The following APCDD1L variants were observed in gnomAD, a reference collection of about 807,000 sequenced individuals.
The protein encoded by APCDD1L is protein APCDD1-like.
APCDD1L carries 21 observed loss-of-function variants against 24.2 expected under a neutral mutation model. The observed-to-expected ratio is 0.87, with a 90% CI of 0.61 to 1.25. The LOEUF (loss-of-function observed/expected upper bound fraction) is 1.25. APCDD1L is among the 50% of genes most tolerant of loss of function. The probability of loss-of-function intolerance (pLI) is 0.00; values close to 1 mark genes in which losing one functional copy is unlikely to be tolerated. For synonymous variants in APCDD1L, 321 were observed against 323.6 expected (o/e 0.99, Z 0.09); for missense variants, 704 against 711.7 (o/e 0.99, Z 0.12).
chr20:58,500,164 A>AT (rs887795549), intron 1 of APCDD1L, among the ~76,000 whole-genome samples: 19 of 152,176 alleles, frequency 1.2e-4, no homozygotes, highest in South Asian at 2.1e-4. Flanking sequence ...ATTTTTCAGC[A>AT]TTTTTTCTGG....
Position 58,467,214 on chromosome 20 carries a change from C to T in APCDD1L, c.633G>A (p.Ala211=), listed in dbSNP as rs762687389. 2 of 1,602,648 alleles carry T rather than the reference C, an allele frequency of 1.2e-6. No homozygotes were observed. The highest frequency in any genetic ancestry group is 1.1e-5 in the South Asian group (1 of 90,804). ...ACAGCTCCTCCACCAGCCGGGGCGA[C>T]GCCCGGGGCTGCGGCTGCAGGCGGC... ...VQRRLQPQPR[A]SPRLVEELYL... The change falls in exon 3 of 4, where the codon GCG becomes GCA. Residue 211 remains alanine, a synonymous_variant. Transcript: ENST00000371149. The surrounding 1 kb of genome is among the most constrained non-coding windows in gnomAD (Gnocchi z 5.9).
chr20:58,496,389 G>A (rs1202762344), intron 1 of APCDD1L, among the ~76,000 whole-genome samples: 4 of 152,246 alleles, frequency 2.6e-5, no homozygotes, highest in Non-Finnish European at 5.9e-5. Flanking sequence ...ACAGCCTGAC[G>A]CCTGCCCCCA....
chr20:58,496,504 A>T (rs780993564), intron 1 of APCDD1L, among the ~76,000 whole-genome samples: 8 of 152,270 alleles, frequency 5.3e-5, no homozygotes, highest in Non-Finnish European at 1.0e-4. Context: ...GGGCTGCCTG[A>T]GTCTGGGAGA....
At position 58,470,500 on chromosome 20, in the gene APCDD1L, T is replaced by G; in HGVS notation, c.188+109A>C. The G allele has an allele frequency of 2.1e-6, 3 of 1,411,908 alleles. No homozygotes were observed. In the South Asian group the frequency reaches 4.4e-5, roughly 21 times the overall value. The allele number at this position is 1,411,908 out of a possible 1,614,324, so 87.5% of individuals were successfully genotyped here. A position where few individuals can be genotyped will look rare whatever the true frequency, so the allele number is the denominator to read the frequency against. On this transcript the variant is annotated intron_variant, in intron 2 of 3. Transcript: ENST00000371149. Reference sequence around the variant, plus strand: ...CCAGCAGCTTGGCAGGTAGAAGGCCTCTTGGATAACTATGTGAATTATGCC... The same window carrying G: ...CCAGCAGCTTGGCAGGTAGAAGGCCGCTTGGATAACTATGTGAATTATGCC...
intron 1 of APCDD1L, among the ~76,000 whole-genome samples, chr20:58,485,709 C>T (rs1488192549): frequency 6.6e-6 from 1 of 152,206 alleles, no homozygotes; most frequent in Non-Finnish European, 1.5e-5. Flanking sequence ...TTAAAAAATG[C>T]AAATCAGCAT....
intron 1 of APCDD1L, among the ~76,000 whole-genome samples, chr20:58,474,416 C>T (rs925721792): frequency 6.6e-6 from 1 of 152,068 alleles, no homozygotes; most frequent in East Asian, 1.9e-4. Context: ...TAAAAGGTAC[C>T]ATCTTGGCTG....
chr20:58,499,997 T>C (rs1432559493), intron 1 of APCDD1L, among the ~76,000 whole-genome samples: 1 of 152,182 alleles, frequency 6.6e-6, no homozygotes, highest in African/African-American at 2.4e-5. Flanking sequence ...GATTGTTTTT[T>C]TAAAAAAACA....
chr20:58,514,530 G>T (rs1990701338), intron 1 of APCDD1L, 129 bp downstream of exon 1: 2 of 954,052 alleles, frequency 2.1e-6, no homozygotes, highest in African/African-American at 3.4e-5. Context: ...GGCGCGCAGG[G>T]CGCAGCATAG....
chr20:58,472,156 G>A (rs1342515351), intron 1 of APCDD1L, among the ~76,000 whole-genome samples: 1 of 152,204 alleles, frequency 6.6e-6, no homozygotes, highest in African/African-American at 2.4e-5. Flanking sequence ...GTTCCCTTGA[G>A]GTTGGGGGTT....
rs1361281629 is a variant in APCDD1L, at chr20:58,494,194, A to C, written c.49+20465T>G. On this transcript the variant is annotated intron_variant, in intron 1 of 3. Coordinates refer to ENST00000371149, the MANE Select transcript of APCDD1L (RefSeq NM_153360.3). The surrounding 1 kb of genome is among the most constrained non-coding windows in gnomAD (Gnocchi z 4.8). ...TTGCTGTCTCAGGGGCAGCAGAGGC[A>C]GAAGAAAATCTGGGGATAAGTGGAC... Among the ~76,000 whole-genome samples, 3 of 152,220 alleles carry C rather than the reference A, an allele frequency of 2.0e-5. No individual in the cohort carries two copies. Among genetic ancestry groups the C allele is most frequent in the African/African-American group, 7.2e-5 (3 of 41,454 alleles).
rs768766324 is a variant in APCDD1L, at chr20:58,467,144, G to A, written c.703C>T (p.Arg235Trp). ...HTDPAERRHY[R>W]PTGYQRPLQS... ...AGCGGGCGCTGGTAGCCCGTGGGCC[G>A]GTAGTGCCGCCTCTCCGCCGGGTCG... The change falls in exon 3 of 4, where the codon CGG becomes TGG. Residue 235 changes from arginine to tryptophan, a missense_variant. Transcript: ENST00000371149. The surrounding 1 kb of genome is among the most constrained non-coding windows in gnomAD (Gnocchi z 5.9). 1 of 1,608,228 alleles carries A rather than the reference G, an allele frequency of 6.2e-7. No homozygotes were observed. The highest frequency in any genetic ancestry group is 8.5e-7 in the Non-Finnish European group (1 of 1,179,526).
At chr20:58,478,084 G>T (rs6070478) in intron 1 of APCDD1L, among the ~76,000 whole-genome samples, 3,891 of 152,100 alleles carry the variant, frequency 0.026, 59 homozygotes, top group Non-Finnish European at 0.035. Flanking sequence ...TGCTCAAATT[G>T]TCCCTGATTT....
At chr20:58,500,774 A>G (rs1411694028) in intron 1 of APCDD1L, among the ~76,000 whole-genome samples, 1 of 152,016 alleles carries the variant, frequency 6.6e-6, no homozygotes, top group African/African-American at 2.4e-5. Flanking sequence ...CCGGACATTC[A>G]TCCTGGCTAA....
intron 3 of APCDD1L, among the ~76,000 whole-genome samples, chr20:58,465,280 T>G (rs1417618155): frequency 6.6e-6 from 1 of 152,184 alleles, no homozygotes; most frequent in African/African-American, 2.4e-5. Flanking sequence ...TTTCTGATTA[T>G]GAGAACTTCG....
intron 1 of APCDD1L, among the ~76,000 whole-genome samples, chr20:58,484,434 G>C (rs1263194000): frequency 6.6e-6 from 1 of 152,126 alleles, no homozygotes; most frequent in Non-Finnish European, 1.5e-5. Flanking sequence ...CGGTAGGCGG[G>C]CAATACATTT....
chr20:58,495,414 C>T (rs551684795), intron 1 of APCDD1L, among the ~76,000 whole-genome samples: 47 of 152,280 alleles, frequency 3.1e-4, no homozygotes, highest in African/African-American at 8.4e-4. Context: ...CCTTATCAAA[C>T]GCTGCAGGGC....
chr20:58,480,174 C>A (rs1989996951), intron 1 of APCDD1L, among the ~76,000 whole-genome samples: 1 of 152,136 alleles, frequency 6.6e-6, no homozygotes. Flanking sequence ...ATGGGTTGGA[C>A]TTTGCTACCT....
In APCDD1L at chr20:58,497,839, T is replaced by C. The variant is rs1450490150; in HGVS notation, c.49+16820A>G. ...AGGGACCTTGTGCGGCCTCTATTAA[T>C]AGATTCTCATATTAAAAGCTAAGTC... On this transcript the variant is annotated intron_variant, in intron 1 of 3. Coordinates refer to ENST00000371149, the MANE Select transcript of APCDD1L (RefSeq NM_153360.3). The surrounding 1 kb of genome is among the most constrained non-coding windows in gnomAD (Gnocchi z 4.3). Among the ~76,000 whole-genome samples the C allele has an allele frequency of 6.6e-6, 1 of 152,168 alleles. No individual in the cohort carries two copies. The highest frequency in any genetic ancestry group is 6.5e-5 in the Admixed American group (1 of 15,280).
intron 1 of APCDD1L, among the ~76,000 whole-genome samples, chr20:58,470,982 C>A (rs950261067): frequency 6.6e-6 from 1 of 152,212 alleles, no homozygotes; most frequent in African/African-American, 2.4e-5. Flanking sequence ...GATGTGATCA[C>A]CCTAGAATCC....
Sources: gnomAD v4.1 joint callset for allele counts (sites outside exome capture counted in the v4.1 genomes callset) on GRCh38, gnomAD v4.1.1 for gene constraint, Gnocchi (gnomAD v3.1) non-coding constraint, MANE v1.5 for transcripts, NCBI Gene and HGNC (gene_info 2026-07-23, HGNC 2026-07-21) for gene names.